RGL3: variants seen among roughly 807,000 people sequenced by gnomAD.
RGL3 encodes the protein ral guanine nucleotide dissociation stimulator like 3, also known as ral guanine nucleotide dissociation stimulator-like 3.
In RGL3, 85 loss-of-function variants were observed where a neutral mutation model predicts 90.6. The observed-to-expected ratio is 0.94, with a 90% CI of 0.79 to 1.12. The LOEUF is 1.12. RGL3 is among the 50% of genes most tolerant of loss of function. The probability of loss-of-function intolerance (pLI) is 0.00; values close to 1 mark genes in which losing one functional copy is unlikely to be tolerated. For synonymous variants in RGL3, 408 were observed against 385.5 expected, an observed-to-expected ratio of 1.06 and a Z score of -0.68; for missense variants, 1,034 against 939.2, an observed-to-expected ratio of 1.10 and a Z score of -1.32.
Position 11,402,514 on chromosome 19 carries a change from G to A in RGL3, c.1270C>T (p.Leu424Phe), listed in dbSNP as rs1689330877. Residue 424 changes from leucine (L) to phenylalanine (F), a missense_variant, in exon 11 of 19, where the codon CTT becomes TTT. Transcript: ENST00000380456. ...SKPPPGPVPY[L>F]GTFLTDLVML... The stretch of plus-strand genomic sequence containing the variant: ...ACCAGGTCCGTAAGGAAGGTGCCAA[G>A]GTAGGGGACAGGGCCTGGGGGTGGT... 3 of 1,604,998 alleles carry A rather than the reference G, an allele frequency of 1.9e-6. No individual in the cohort carries two copies. Among genetic ancestry groups the A allele is most frequent in the Non-Finnish European group, 2.5e-6 (3 of 1,177,194 alleles).
chr19:11,414,991 G>A (rs998145066), intron 5 of RGL3, among the ~76,000 whole-genome samples: 2 of 151,854 alleles, frequency 1.3e-5, no homozygotes, highest in Non-Finnish European at 1.5e-5. Context: ...TTAGCCGGGC[G>A]TGGTGACATG....
At chr19:11,407,005 TGAGACA>T in intron 5 of RGL3, 141 bp from the exon 6 acceptor site, 1 of 762,692 alleles carries the variant, frequency 1.3e-6, no homozygotes, top group Non-Finnish European at 2.0e-6. Context: ...TTTTTTTTTT[TGAGACA>T]GTCTTACTCT....
chr19:11,405,056 G>T, intron 9 of RGL3, 91 bp downstream of exon 9: 2 of 1,031,284 alleles, frequency 1.9e-6, no homozygotes, highest in African/African-American at 3.1e-5. Flanking sequence ...AGAGTGTCCT[G>T]ACTATAGCAG....
chr19:11,403,326 T>C (rs1968713897), intron 9 of RGL3, among the ~76,000 whole-genome samples: 1 of 143,188 alleles, frequency 7.0e-6, no homozygotes, highest in Middle Eastern at 3.5e-3. Context: ...TGAGCCACCG[T>C]GCCCGGCCAA....
chr19:11,397,097 T>G, intron 18 of RGL3, 147 bp downstream of exon 18: 1 of 641,088 alleles, frequency 1.6e-6, no homozygotes, highest in Non-Finnish European at 2.7e-6. Flanking sequence ...TCCTCTTACC[T>G]CCACTGATTA....
intron 1 of RGL3, 151 bp from the exon 2 acceptor site, chr19:11,418,935 C>T: frequency 3.0e-6 from 2 of 665,436 alleles, no homozygotes; most frequent in Non-Finnish European, 2.5e-6. Flanking sequence ...GGGTCCCAGG[C>T]TAGTCCCCTC....
intron 15 of RGL3, 23 bp from the exon 16 acceptor site, chr19:11,399,974 G>T: frequency 6.4e-7 from 1 of 1,574,312 alleles, no homozygotes. Context: ...CAGAGGCTGA[G>T]GTGGGGTGGC....
At chr19:11,418,421 C>T in intron 2 of RGL3, 1 of 563,228 alleles carries the variant, frequency 1.8e-6, no homozygotes, top group Non-Finnish European at 3.2e-6. Flanking sequence ...CAGTTCTGTC[C>T]TTACCAAGTT....
chr19:11,404,260 G>A (rs2144725006), intron 9 of RGL3, among the ~76,000 whole-genome samples: 1 of 152,296 alleles, frequency 6.6e-6, no homozygotes, highest in African/African-American at 2.4e-5. Flanking sequence ...GGGAGTGATG[G>A]CTCACGCCTG....
chr19:11,416,077 G>T lies in RGL3; in HGVS notation c.497C>A (p.Ser166Ter), dbSNP rs202085360. ...AAAGGTTCGGACACTGCCCAGGTCC[G>T]AATGGGCAGGGTGGTCTCGGAAATC... Reference protein sequence around the residue: ...PQDFRDHPAHSDLGSVRTFLG... With the variant: ...PQDFRDHPAH The change falls in exon 5 of 19, where the codon TCG becomes TAG. Residue 166 changes from serine (S) to a stop codon, truncating the protein, a stop_gained. Transcript: ENST00000380456. LOFTEE classifies it high-confidence loss of function. 6.2e-7 allele frequency: 1 copy of T among 1,611,572 alleles called. No individual in the cohort carries two copies.
chr19:11,408,314 G>A (rs1968816134), intron 5 of RGL3, among the ~76,000 whole-genome samples: 1 of 152,226 alleles, frequency 6.6e-6, no homozygotes, highest in African/African-American at 2.4e-5. Context: ...GGGCGCTGTG[G>A]CTCACGCCTG....
chr19:11,397,919 G>A (rs536176340), intron 16 of RGL3: 1 of 187,454 alleles, frequency 5.3e-6, no homozygotes, highest in Admixed American at 5.7e-5. Context: ...CGAGGCAGGA[G>A]AATCACTTGA....
At chr19:11,410,126 T>TA (rs1568340041) in intron 5 of RGL3, among the ~76,000 whole-genome samples, 139 of 148,968 alleles carry the variant, frequency 9.3e-4, no homozygotes, top group East Asian at 7.2e-3. Context: ...ATATATATAT[T>TA]TTTTTATTAT....
intron 5 of RGL3, among the ~76,000 whole-genome samples, chr19:11,411,010 A>T (rs572888720): frequency 6.6e-6 from 1 of 152,060 alleles, no homozygotes; most frequent in South Asian, 2.1e-4. Flanking sequence ...GGAGTTCAAG[A>T]CCAGCCTGGC....
intron 1 of RGL3, 84 bp downstream of exon 1, chr19:11,419,162 T>C: frequency 6.9e-7 from 1 of 1,458,932 alleles, no homozygotes; most frequent in African/African-American, 1.4e-5. Flanking sequence ...TGGGAGCAGA[T>C]ACCGTCCGAC....
At chr19:11,418,433 T>C in intron 2 of RGL3, 1 of 569,926 alleles carries the variant, frequency 1.8e-6, no homozygotes, top group Admixed American at 3.2e-5. Flanking sequence ...TACCAAGTTG[T>C]CCCTAGGCTC....
At chr19:11,394,637 C>T in intron 18 of RGL3, 117 bp from the exon 19 acceptor site, 2 of 723,322 alleles carry the variant, frequency 2.8e-6, no homozygotes, top group Non-Finnish European at 4.9e-6. Context: ...GGTCCCTCTG[C>T]AGCTACTGCC....
intron 5 of RGL3, 126 bp from the exon 6 acceptor site, chr19:11,406,990 A>ATTT (rs5827125): frequency 1.1e-4 from 86 of 765,064 alleles, no homozygotes; most frequent in East Asian, 1.8e-4. Context: ...GCTCTCTTAA[A>ATTT]TTTTTTTTTT....
At chr19:11,402,182 G>A (rs1245115210) in intron 12 of RGL3, 33 bp downstream of exon 12, 1 of 1,409,558 alleles carries the variant, frequency 7.1e-7, no homozygotes, top group Admixed American at 1.8e-5. Context: ...CCCACCCTCA[G>A]GCACCACCAC....
Sources: gnomAD v4.1 joint callset for allele counts (sites outside exome capture counted in the v4.1 genomes callset) on GRCh38, gnomAD v4.1.1 for gene constraint, MANE v1.5 for transcripts, NCBI Gene and HGNC (gene_info 2026-07-23, HGNC 2026-07-21) for gene names.